Variants in C2orf49 observed in about 807,000 individuals in gnomAD.
The protein encoded by C2orf49 is tRNA splicing ligase complex subunit 2, also known as tRNA-splicing ligase complex subunit ASW.
A neutral mutation model predicts 20.6 loss-of-function variants in C2orf49; 11 were observed. The observed-to-expected ratio is 0.53, with a 90% CI of 0.34 to 0.88. The LOEUF is 0.88. Ranked by LOEUF, C2orf49 falls within the 40% of genes least tolerant of loss-of-function variation. The pLI, the probability that C2orf49 is intolerant of heterozygous loss-of-function variation, is 0.02. For missense variants in C2orf49, 289 were observed against 274.2 expected (o/e 1.05, Z -0.38); for synonymous variants, 134 against 108.5 (o/e 1.24, Z -1.46).
downstream of C2orf49, among the ~76,000 whole-genome samples, chr2:105,351,677 A>G (rs1002617777): frequency 1.8e-4 from 20 of 109,710 alleles, no homozygotes; most frequent in African/African-American, 4.9e-4. Context: ...CCTTTCTGGT[A>G]TTATAGGATG....
the C2orf49 span, among the ~76,000 whole-genome samples, chr2:105,356,114 G>A: frequency 6.6e-6 from 1 of 152,226 alleles, no homozygotes; most frequent in South Asian, 2.1e-4. Context: ...CATCAGCCAG[G>A]TGTTGTGGCT....
At position 105,347,345 on chromosome 2, in the gene C2orf49, C is replaced by T. The variant is rs892033202; in HGVS notation, c.*1974C>T. On this transcript the variant is annotated 3_prime_UTR_variant, in exon 4 of 4. Transcript: ENST00000258457. ...ATTTTATTTTATATTCAGTTGTCCT[C>T]TCTGCTTCCATCTGTGTTGCTCTCT... 1.3e-5 allele frequency: 2 copies of T among 152,180 alleles called. No individual in the cohort carries two copies. Among genetic ancestry groups the T allele is most frequent in the African/African-American group, 2.4e-5 (1 of 41,448 alleles). 9.4% of individuals were successfully genotyped at this position (152,180 alleles called of 1,614,324 possible).
the C2orf49 span, among the ~76,000 whole-genome samples, chr2:105,370,213 C>CCG: frequency 2.0e-5 from 3 of 151,846 alleles, no homozygotes; most frequent in Admixed American, 6.6e-5. Flanking sequence ...TCTCTACCCC[C>CCG]CCAAAAAAAA....
At chr2:105,375,537 C>A in the C2orf49 span, 1 of 152,384 alleles carries the variant, frequency 6.6e-6, no homozygotes, top group South Asian at 2.1e-4. Context: ...ACTTGGGAAG[C>A]TGAGGCAGGA....
chr2:105,379,323 A>C, the C2orf49 span, among the ~76,000 whole-genome samples: 1 of 152,220 alleles, frequency 6.6e-6, no homozygotes, highest in Non-Finnish European at 1.5e-5. Flanking sequence ...TAATGAGAAG[A>C]GTTGCCTCAA....
At chr2:105,381,389 A>G in the C2orf49 span, among the ~76,000 whole-genome samples, 1 of 152,134 alleles carries the variant, frequency 6.6e-6, no homozygotes, top group Admixed American at 6.5e-5. Flanking sequence ...GTGAGCTAGG[A>G]ACCCCAGTGT....
the C2orf49 span, among the ~76,000 whole-genome samples, chr2:105,379,614 C>T: frequency 1.1e-4 from 16 of 152,280 alleles, no homozygotes; most frequent in African/African-American, 3.6e-4. Flanking sequence ...TGAAATGATC[C>T]GACAAAACTA....
At chr2:105,376,013 A>G in the C2orf49 span, 1 of 152,230 alleles carries the variant, frequency 6.6e-6, no homozygotes, top group East Asian at 1.9e-4. Context: ...CACAATCCAC[A>G]TGGACATCAT....
the C2orf49 span, chr2:105,363,397 C>A: frequency 1.2e-6 from 2 of 1,613,806 alleles, no homozygotes; most frequent in Non-Finnish European, 1.7e-6. Flanking sequence ...ACAGCTGCTT[C>A]CTGCAGGCGG....
the C2orf49 span, among the ~76,000 whole-genome samples, chr2:105,370,690 T>C: frequency 6.6e-6 from 1 of 152,180 alleles, no homozygotes; most frequent in Non-Finnish European, 1.5e-5. Context: ...GTTCTAACAC[T>C]TTTAAAAATC....
the C2orf49 span, among the ~76,000 whole-genome samples, chr2:105,369,220 T>C: frequency 2.6e-5 from 4 of 152,212 alleles, no homozygotes; most frequent in Non-Finnish European, 5.9e-5. Flanking sequence ...ACAGAGGGAC[T>C]GCCCCGCTCC....
At chr2:105,373,577 T>C in the C2orf49 span, 1 of 1,614,222 alleles carries the variant, frequency 6.2e-7, no homozygotes. Flanking sequence ...ATGGTCTTCT[T>C]GCATTCCTGG....
chr2:105,340,955 A>G (rs1296521000), intron 2 of C2orf49, among the ~76,000 whole-genome samples: 2 of 152,238 alleles, frequency 1.3e-5, no homozygotes, highest in African/African-American at 4.8e-5. Flanking sequence ...GAAAAATTTA[A>G]TGATTGAGAT....
At chr2:105,354,494 G>A in the C2orf49 span, among the ~76,000 whole-genome samples, 11 of 151,914 alleles carry the variant, frequency 7.2e-5, no homozygotes, top group African/African-American at 2.4e-4. Context: ...GTGAAACCCC[G>A]TCACTATTGA....
the C2orf49 span, chr2:105,377,916 C>T: frequency 3.2e-4 from 127 of 397,962 alleles, no homozygotes; most frequent in African/African-American, 2.4e-3. Flanking sequence ...AGGCATTACG[C>T]CCAGAGGGGT....
chr2:105,338,979 T>C (rs1239879301), intron 1 of C2orf49, among the ~76,000 whole-genome samples: 1 of 152,266 alleles, frequency 6.6e-6, no homozygotes, highest in African/African-American at 2.4e-5. Context: ...GGACAATGAC[T>C]GGAAGCTTAC....
intron 2 of C2orf49, among the ~76,000 whole-genome samples, chr2:105,342,180 A>AT: frequency 6.6e-6 from 1 of 152,320 alleles, no homozygotes; most frequent in Middle Eastern, 3.4e-3. Context: ...CTCAAAAATA[A>AT]ATTTTTTTTC....
At chr2:105,364,771 G>C in the C2orf49 span, among the ~76,000 whole-genome samples, 1 of 152,114 alleles carries the variant, frequency 6.6e-6, no homozygotes, top group Non-Finnish European at 1.5e-5. Context: ...TTGTGAAGTA[G>C]GAAAGATATT....
chr2:105,376,698 G>A, the C2orf49 span: 10 of 152,222 alleles, frequency 6.6e-5, no homozygotes, highest in Non-Finnish European at 1.0e-4. Flanking sequence ...AGGTCTCGAA[G>A]ATATATTTGT....
Sources: allele counts gnomAD v4.1 joint callset (sites outside exome capture counted in the v4.1 genomes callset), GRCh38; gene constraint gnomAD v4.1.1; transcripts MANE v1.5; gene names NCBI Gene and HGNC (gene_info 2026-07-23, HGNC 2026-07-21).